Variants in ZFHX2 observed in about 807,000 individuals in gnomAD.
ZFHX2 encodes the protein zinc finger homeobox protein 2.
ZFHX2 carries 75 observed loss-of-function variants against 164.8 expected under a neutral mutation model. That is an observed-to-expected ratio of 0.46 (90% CI 0.38 to 0.55). The LOEUF (loss-of-function observed/expected upper bound fraction) is 0.55. Among genes scored for constraint, ZFHX2 ranks in the 20% least tolerant of loss-of-function variants. The pLI, the probability that ZFHX2 is intolerant of heterozygous loss-of-function variation, is 0.00. For missense variants in ZFHX2, 2,933 were observed against 3,308.0 expected, an observed-to-expected ratio of 0.89 and a Z score of 2.78; for synonymous variants, 1,217 against 1,351.4, an observed-to-expected ratio of 0.90 and a Z score of 2.18.
Position 23,522,103 on chromosome 14 carries a change from A to G in ZFHX2, c.7578T>C (p.Pro2526=), listed in dbSNP as rs1410940410. Reference sequence around the variant, plus strand: ...TGATGGAGATGGGTGGGCCCCCTTGAGGTGGGGCTGCCTTGCGCCTGTGGG... The same window carrying G: ...TGATGGAGATGGGTGGGCCCCCTTGGGGTGGGGCTGCCTTGCGCCTGTGGG... ...SSAHRRKAAP[P]QGGPPISITN... The change falls in exon 10 of 10, where the codon CCT becomes CCC. Residue 2526 remains proline, a synonymous_variant. Transcript: ENST00000419474. The G allele has an allele frequency of 3.3e-6, 5 of 1,535,228 alleles. No homozygotes were observed. The Admixed American group carries it at 7.9e-5, about 24-fold the overall frequency.
In ZFHX2 at chr14:23,534,497, C is replaced by T. The variant is rs1208519025; in HGVS notation, c.829G>A (p.Val277Ile). 3 of 1,536,204 alleles carry T rather than the reference C, an allele frequency of 2.0e-6. No individual in the cohort carries two copies. The highest frequency in any genetic ancestry group is 1.2e-5 in the South Asian group (1 of 84,066). Residue 277 changes from valine (V) to isoleucine (I), a missense_variant, in exon 2 of 10, where the codon GTA becomes ATA. Transcript: ENST00000419474. This position sits in a 1 kb window ranked among gnomAD's most constrained non-coding sequence, Gnocchi z 4.5. ...CAGCCTTCATCTCCCTCCTGGAGTA[C>T]AGCTGGGCTACCTGACAGGCCCTGA... ...QYQGLSGSPA[V>I]LQEGDEGCKA...
chr14:23,523,498 G>A lies in ZFHX2; in HGVS notation c.6444C>T (p.Cys2148=). The A allele has an allele frequency of 5.9e-6, 9 of 1,536,324 alleles. No homozygotes were observed. The highest frequency in any genetic ancestry group is 7.0e-6 in the Non-Finnish European group (8 of 1,146,924). Residue 2148 remains cysteine (C), a synonymous_variant, in exon 9 of 10, where the codon TGC becomes TGT. Coordinates refer to ENST00000419474, the MANE Select transcript of ZFHX2 (RefSeq NM_033400.3). The surrounding 1 kb of genome is among the most constrained non-coding windows in gnomAD (Gnocchi z 4.1). ...EGLLAAQRTD[C]PYCDVKYDFY... ...AATCATACTTGACATCACAATAGGG[G>A]CAGTCAGTGCGCTGGGCTGCTAAGA...
Position 23,535,300 on chromosome 14 carries a change from G to A in ZFHX2, c.26C>T (p.Thr9Ile). MATLNSASTTGTTPSPGHN... is the reference protein window; with the variant it reads MATLNSASITGTTPSPGHN... ...CCCAGGGGAGGGGGTGGTACCAGTG[G>A]TAGAGGCTGAGTTAAGGGTGGCCAT... is the stretch of plus-strand genomic sequence containing the variant. The change falls in exon 2 of 10, where the codon ACC (threonine) becomes ATC (isoleucine). Residue 9 changes from threonine (T) to isoleucine (I), a missense_variant. By Grantham distance (89) the Thr-to-Ile change is moderately conservative. Transcript: ENST00000419474. The surrounding 1 kb of genome is among the most constrained non-coding windows in gnomAD (Gnocchi z 4.5). 1 of 1,470,786 alleles carries A rather than the reference G, an allele frequency of 6.8e-7. No individual in the cohort carries two copies. Among genetic ancestry groups the A allele is most frequent in the Non-Finnish European group, 9.0e-7 (1 of 1,111,154 alleles). 91.1% of individuals were successfully genotyped at this position (1,470,786 alleles called of 1,614,324 possible).
Position 23,534,997 on chromosome 14 carries a change from A to C in ZFHX2, c.329T>G (p.Leu110Arg). The change falls in exon 2 of 10, where the codon CTA (leucine) becomes CGA (arginine). Residue 110 changes from leucine to arginine, a missense_variant. By Grantham distance (102) the Leu-to-Arg change is moderately radical (BLOSUM62 -2). Coordinates refer to ENST00000419474, the MANE Select transcript of ZFHX2 (RefSeq NM_033400.3). This position sits in a 1 kb window ranked among gnomAD's most constrained non-coding sequence, Gnocchi z 4.5. ...EEEEGLPPMDLSNHLFFTAGG... is the reference protein window; with the variant it reads ...EEEEGLPPMDRSNHLFFTAGG... The stretch of plus-strand genomic sequence containing the variant: ...AGCTGTGAAGAATAAGTGGTTGCTT[A>C]GGTCCATGGGAGGGAGCCCTTCTTC... The C allele has an allele frequency of 6.5e-7, 1 of 1,536,166 alleles. No homozygotes were observed. Among genetic ancestry groups the C allele is most frequent in the Non-Finnish European group, 8.7e-7 (1 of 1,146,904 alleles).
chr14:23,555,442 C>T (rs1882284218), upstream of ZFHX2, among the ~76,000 whole-genome samples: 1 of 152,188 alleles, frequency 6.6e-6, no homozygotes, highest in South Asian at 2.1e-4. Context: ...CCTTACGTAC[C>T]ACCCAGGTGC....
At chr14:23,550,091 T>C (rs1451840854) in intron 1 of ZFHX2, among the ~76,000 whole-genome samples, 1 of 152,236 alleles carries the variant, frequency 6.6e-6, no homozygotes, top group Non-Finnish European at 1.5e-5. Context: ...AGAGGTTTTG[T>C]TGTGCGAAGC....
intron 3 of ZFHX2, 132 bp from the exon 4 acceptor site, chr14:23,531,853 C>G: frequency 8.6e-7 from 1 of 1,165,262 alleles, no homozygotes; most frequent in Non-Finnish European, 1.1e-6. Flanking sequence ...TCTCTACTCA[C>G]TGAAGCCTCT....
chr14:23,528,935 C>T (rs1320240440), intron 6 of ZFHX2: 7 of 654,838 alleles, frequency 1.1e-5, no homozygotes, highest in African/African-American at 3.9e-5. Context: ...TCCAGATGCT[C>T]ATCTTAACGC....
At position 23,523,276 on chromosome 14, in the gene ZFHX2, G is replaced by A. The variant is rs1566570223; in HGVS notation, c.6666C>T (p.Arg2222=). 3.5e-6 allele frequency: 5 copies of A among 1,437,970 alleles called. No individual in the cohort carries two copies. Among genetic ancestry groups the A allele is most frequent in the Non-Finnish European group, 3.6e-6 (4 of 1,100,248 alleles). 89.1% of individuals were successfully genotyped at this position (1,437,970 alleles called of 1,614,324 possible). ...GGCCAGATAAGAGGACCGGCGCCAGGCGAGGCAAGGTTGGGGCAGCCCCGA... is the reference window on the plus strand; with the variant it reads ...GGCCAGATAAGAGGACCGGCGCCAGACGAGGCAAGGTTGGGGCAGCCCCGA... ...MPLGAAPTLP[R]LAPVLLSGPA... The change falls in exon 9 of 10, where the codon CGC becomes CGT. Residue 2222 remains arginine (R), a synonymous_variant. Transcript: ENST00000419474. The surrounding 1 kb of genome is among the most constrained non-coding windows in gnomAD (Gnocchi z 4.1).
chr14:23,533,848 GGGTGGGCGCCCCCAGC>G lies in ZFHX2; in HGVS notation c.1462_1477del (p.Ala488ProfsTer96). ...GTAGCTCTCTCCACGAGCAAGGCGG[GGGTGGGCGCCCCCAGC>G]ACTGCAGTAGCTGCAGTGACTGTTG... On this transcript the variant is annotated frameshift_variant, in exon 2 of 10. Transcript: ENST00000419474. LOFTEE classifies it high-confidence loss of function. The surrounding 1 kb of genome is among the most constrained non-coding windows in gnomAD (Gnocchi z 4.8). The G allele has an allele frequency of 6.5e-7, 1 of 1,539,422 alleles. No homozygotes were observed. The highest frequency in any genetic ancestry group is 8.7e-7 in the Non-Finnish European group (1 of 1,148,214).
At chr14:23,549,231 C>T (rs977298112) in intron 1 of ZFHX2, among the ~76,000 whole-genome samples, 2 of 152,124 alleles carry the variant, frequency 1.3e-5, no homozygotes, top group Admixed American at 6.5e-5. Context: ...CCCCTGCCCC[C>T]GAGTCCGCAT....
At position 23,525,115 on chromosome 14, in the gene ZFHX2, G is replaced by A; in HGVS notation, c.4827C>T (p.Ala1609=). The stretch of plus-strand genomic sequence containing the variant: ...CGCTAGTCTCAAAGAAAGACTGCAG[G>A]GCTTGGGTCTGGAACTCTGTGAACT... The part of the protein sequence containing the change: ...RTKFTEFQTQ[A]LQSFFETSAY... The change falls in exon 9 of 10, where the codon GCC becomes GCT. Residue 1609 remains alanine (A), a synonymous_variant. Transcript: ENST00000419474. This position sits in a 1 kb window ranked among gnomAD's most constrained non-coding sequence, Gnocchi z 5.9. 2 of 1,536,176 alleles carry A rather than the reference G, an allele frequency of 1.3e-6. No homozygotes were observed. The highest frequency in any genetic ancestry group is 1.7e-6 in the Non-Finnish European group (2 of 1,146,920).
chr14:23,536,945 C>G lies in ZFHX2; in HGVS notation c.-49-1571G>C, dbSNP rs1023751500. On this transcript the variant is annotated intron_variant, in intron 1 of 9. Transcript: ENST00000419474. ...CTGAGGTCAGGAGTTTGAGACTAGC[C>G]TGGCCAACATGGTGAAACCCTGTCT... 1.5e-4 allele frequency among the ~76,000 whole-genome samples: 12 copies of G among 79,754 alleles called. No individual in the cohort carries two copies. In the East Asian group the frequency reaches 4.7e-3, roughly 31 times the overall value. The allele number at this position is 79,754 out of a possible 152,430, so 52.3% of individuals were successfully genotyped here. A position where few individuals can be genotyped will look rare whatever the true frequency, so the allele number is the denominator to read the frequency against.
chr14:23,530,747 C>A, intron 4 of ZFHX2: 1 of 279,430 alleles, frequency 3.6e-6, no homozygotes, highest in South Asian at 3.3e-5. Context: ...TGATCTGGGC[C>A]CCTCCGGCAC....
chr14:23,532,080 G>T, intron 3 of ZFHX2: 1 of 183,142 alleles, frequency 5.5e-6, no homozygotes, highest in Admixed American at 6.1e-5. Flanking sequence ...CTAGCCTCAG[G>T]GGACTTCTTT....
chr14:23,530,377 T>C, intron 4 of ZFHX2, 183 bp from the exon 5 acceptor site: 1 of 699,364 alleles, frequency 1.4e-6, no homozygotes, highest in South Asian at 1.5e-5. Context: ...AGAGGGAAAA[T>C]TACAGTATTA....
At position 23,527,630 on chromosome 14, in the gene ZFHX2, C is replaced by T. The variant is rs1433484351; in HGVS notation, c.3109G>A (p.Glu1037Lys). 70 of 1,536,618 alleles carry T rather than the reference C, an allele frequency of 4.6e-5. No individual in the cohort carries two copies. The highest frequency in any genetic ancestry group is 2.7e-4 in the East Asian group (11 of 40,908). Residue 1037 changes from glutamate to lysine, a missense_variant, in exon 7 of 10, where the codon GAG becomes AAG. Physicochemically the swap from Glu to Lys is moderately conservative, Grantham distance 56 (BLOSUM62 1). Coordinates refer to ENST00000419474, the MANE Select transcript of ZFHX2 (RefSeq NM_033400.3). ...HLSHLHNVVPECVEKLLLVAT... is the reference protein window; with the variant it reads ...HLSHLHNVVPKCVEKLLLVAT... Reference sequence around the variant, plus strand: ...ACAAGCAGCAGCTTCTCAACGCACTCGGGCACCACGTTGTGAAGGTGGCTA... The same window carrying T: ...ACAAGCAGCAGCTTCTCAACGCACTTGGGCACCACGTTGTGAAGGTGGCTA...
At chr14:23,544,639 G>A (rs752871990) in intron 1 of ZFHX2, among the ~76,000 whole-genome samples, 1 of 152,158 alleles carries the variant, frequency 6.6e-6, no homozygotes, top group African/African-American at 2.4e-5. Context: ...TGGTTGGCCC[G>A]GCTGGCGCGG....
chr14:23,539,109 C>T (rs1001047550), intron 1 of ZFHX2, among the ~76,000 whole-genome samples: 1 of 152,202 alleles, frequency 6.6e-6, no homozygotes, highest in African/African-American at 2.4e-5. Flanking sequence ...GCTGCCCCTT[C>T]AGCCTATCCT....
Sources: allele counts gnomAD v4.1 joint callset (sites outside exome capture counted in the v4.1 genomes callset), GRCh38; gene constraint gnomAD v4.1.1; non-coding constraint Gnocchi (gnomAD v3.1); transcripts MANE v1.5; gene names NCBI Gene and HGNC (gene_info 2026-07-23, HGNC 2026-07-21).